Variants in FOXP1 observed in about 807,000 individuals in gnomAD.
The protein encoded by FOXP1 is forkhead box protein P1.
A neutral mutation model predicts 98.2 loss-of-function variants in FOXP1; 15 were observed. That is an observed-to-expected ratio of 0.15 (90% CI 0.10 to 0.24). FOXP1 has a LOEUF of 0.24. Among genes scored for constraint, FOXP1 ranks in the 10% least tolerant of loss-of-function variants. The pLI, the probability that FOXP1 is intolerant of heterozygous loss-of-function variation, is 1.00. For missense variants in FOXP1, 633 were observed against 848.5 expected (o/e 0.75, Z 3.15); for synonymous variants, 371 against 314.5 (o/e 1.18, Z -1.90).
At chr3:71,403,075 A>G (rs760456713) in intron 3 of FOXP1, among the ~76,000 whole-genome samples, 5 of 152,214 alleles carry the variant, frequency 3.3e-5, no homozygotes, top group Non-Finnish European at 7.3e-5. Context: ...TTAGTTTCTC[A>G]AAAGAGGAAG....
chr3:71,141,488 G>T (rs1222728408), intron 6 of FOXP1, among the ~76,000 whole-genome samples: 2 of 152,104 alleles, frequency 1.3e-5, no homozygotes, highest in Admixed American at 1.3e-4. Context: ...CTTAAGCAGT[G>T]ACCTCATGAT....
chr3:71,583,415 G>A (rs2048347750), intron 1 of FOXP1, 156 bp downstream of exon 1: 1 of 950,930 alleles, frequency 1.1e-6, no homozygotes, highest in Admixed American at 6.2e-5. Flanking sequence ...GCCTGGAGGT[G>A]GAAAGTAGTT....
At chr3:71,034,618 T>C (rs555697557) in intron 11 of FOXP1, among the ~76,000 whole-genome samples, 165 of 152,324 alleles carry the variant, frequency 1.1e-3, no homozygotes, top group African/African-American at 3.8e-3. Context: ...TGTTGAGCAT[T>C]GTGTCTGGCA....
intron 7 of FOXP1, among the ~76,000 whole-genome samples, chr3:71,097,718 G>C (rs2056597373): frequency 6.6e-6 from 1 of 152,182 alleles, no homozygotes; most frequent in African/African-American, 2.4e-5. Context: ...ACACAATCCA[G>C]GGAGGGTAAC....
At chr3:71,580,840 T>C (rs2048107786) in intron 2 of FOXP1, 4 of 985,218 alleles carry the variant, frequency 4.1e-6, no homozygotes, top group Non-Finnish European at 4.8e-6. Flanking sequence ...TGTAGACGGT[T>C]TGAATGTACA....
At chr3:71,265,782 G>A (rs569384033) in intron 5 of FOXP1, among the ~76,000 whole-genome samples, 1 of 152,282 alleles carries the variant, frequency 6.6e-6, no homozygotes, top group African/African-American at 2.4e-5. Flanking sequence ...GAGTATGAAG[G>A]AAACTGAGAA....
intron 11 of FOXP1, among the ~76,000 whole-genome samples, chr3:71,016,055 C>T (rs969539411): frequency 6.6e-6 from 1 of 152,100 alleles, no homozygotes; most frequent in Non-Finnish European, 1.5e-5. Flanking sequence ...CCATTTTCTC[C>T]TCTTCCCTTC....
At chr3:71,068,506 C>T (rs772696742) in intron 7 of FOXP1, among the ~76,000 whole-genome samples, 6 of 152,102 alleles carry the variant, frequency 3.9e-5, no homozygotes, top group Non-Finnish European at 7.3e-5. Flanking sequence ...TCAGTTCCAA[C>T]GAAAGGCCTG....
intron 3 of FOXP1, among the ~76,000 whole-genome samples, chr3:71,452,079 G>A (rs900483528): frequency 1.3e-5 from 2 of 152,144 alleles, no homozygotes; most frequent in South Asian, 2.1e-4. Context: ...GGAGGGTAAA[G>A]ACGTACATGT....
intron 6 of FOXP1, among the ~76,000 whole-genome samples, chr3:71,149,094 C>T (rs1275480310): frequency 6.6e-6 from 1 of 152,114 alleles, no homozygotes; most frequent in African/African-American, 2.4e-5. Context: ...CTGTGTCAGG[C>T]GCTGAAGACA....
intron 7 of FOXP1, among the ~76,000 whole-genome samples, chr3:71,059,108 A>T (rs768408931): frequency 1.3e-5 from 2 of 152,028 alleles, no homozygotes; most frequent in South Asian, 2.1e-4. Flanking sequence ...ACTATTAAAA[A>T]TTTTTTTTCA....
chr3:71,310,064 T>G (rs2074576550), intron 4 of FOXP1, among the ~76,000 whole-genome samples: 1 of 152,234 alleles, frequency 6.6e-6, no homozygotes, highest in Non-Finnish European at 1.5e-5. Flanking sequence ...CACTGGAATT[T>G]TTCCTTATTC....
At chr3:71,033,680 C>T (rs1273231578) in intron 11 of FOXP1, among the ~76,000 whole-genome samples, 2 of 151,710 alleles carry the variant, frequency 1.3e-5, no homozygotes, top group African/African-American at 2.4e-5. Flanking sequence ...GATTTTCTCC[C>T]GGTGCCCTCC....
intron 3 of FOXP1, among the ~76,000 whole-genome samples, chr3:71,371,060 G>A (rs984118107): frequency 6.6e-6 from 1 of 152,010 alleles, no homozygotes; most frequent in Non-Finnish European, 1.5e-5. Flanking sequence ...CAGGATTACA[G>A]GCGTGAACCA....
chr3:71,059,636 C>T (rs1014021107), intron 7 of FOXP1, among the ~76,000 whole-genome samples: 1 of 152,168 alleles, frequency 6.6e-6, no homozygotes, highest in African/African-American at 2.4e-5. Context: ...CTCTTTCCTA[C>T]TTCAACCACT....
At chr3:71,288,744 G>C (rs1231466803) in intron 5 of FOXP1, among the ~76,000 whole-genome samples, 1 of 151,874 alleles carries the variant, frequency 6.6e-6, no homozygotes, top group Non-Finnish European at 1.5e-5. Context: ...TCACAAAAAT[G>C]AGTGCAAGGG....
intron 4 of FOXP1, chr3:71,329,815 C>T (rs905769051): frequency 6.6e-6 from 1 of 152,152 alleles, no homozygotes; most frequent in Non-Finnish European, 1.5e-5. Flanking sequence ...TGTTCCAAAA[C>T]AGTATCTACA....
chr3:71,012,114 T>C (rs1296418872), intron 12 of FOXP1, among the ~76,000 whole-genome samples: 1 of 152,204 alleles, frequency 6.6e-6, no homozygotes, highest in Non-Finnish European at 1.5e-5. Context: ...AACTGATATA[T>C]GTCCCTGAGC....
chr3:71,366,981 T>C (rs780167631), intron 3 of FOXP1, among the ~76,000 whole-genome samples: 1 of 152,232 alleles, frequency 6.6e-6, no homozygotes. Context: ...CTTTCTCCTC[T>C]TCCCTTTTTC....
Sources: gnomAD v4.1 joint callset for allele counts (sites outside exome capture counted in the v4.1 genomes callset) on GRCh38, gnomAD v4.1.1 for gene constraint, MANE v1.5 for transcripts, NCBI Gene and HGNC (gene_info 2026-07-23, HGNC 2026-07-21) for gene names.